RETREG1: variants seen among roughly 807,000 people sequenced by gnomAD.
RETREG1 encodes reticulophagy regulator 1.
RETREG1 carries 44 observed loss-of-function variants against 54.8 expected under a neutral mutation model. The observed-to-expected ratio is 0.80, with a 90% CI of 0.63 to 1.03. RETREG1 has a LOEUF of 1.03. Among genes scored for constraint, RETREG1 ranks in the 50% least tolerant of loss-of-function variants. The probability of loss-of-function intolerance (pLI) is 0.00; values close to 1 mark genes in which losing one functional copy is unlikely to be tolerated. For synonymous variants in RETREG1, 217 were observed against 238.5 expected, an observed-to-expected ratio of 0.91 and a Z score of 0.83; for missense variants, 554 against 605.1, an observed-to-expected ratio of 0.92 and a Z score of 0.89.
chr5:16,562,380 G>C (rs1467187313), intron 3 of RETREG1, among the ~76,000 whole-genome samples: 1 of 152,152 alleles, frequency 6.6e-6, no homozygotes, highest in Non-Finnish European at 1.5e-5. Context: ...GGATATCTGT[G>C]GTGGGCAGGA....
chr5:16,531,933 T>C (rs1304252226), intron 3 of RETREG1, among the ~76,000 whole-genome samples: 4 of 152,134 alleles, frequency 2.6e-5, no homozygotes, highest in African/African-American at 9.7e-5. Context: ...TGGGAGAGCA[T>C]CCCTGAGCAT....
rs915194786 is a variant in RETREG1 at position 16,597,910 on chromosome 5, G to A, written c.320+18742C>T. On this transcript the variant is annotated intron_variant, in intron 1 of 8. Transcript: ENST00000306320. This position sits in a 1 kb window ranked among gnomAD's most constrained non-coding sequence, Gnocchi z 4.3. Reference sequence around the variant, plus strand: ...CCTCACCTCCTGTGACCGCTGGCACGACTTCCTTGCCCCAGGGGTAAGGAA... The same window carrying A: ...CCTCACCTCCTGTGACCGCTGGCACAACTTCCTTGCCCCAGGGGTAAGGAA... 3.9e-5 allele frequency among the ~76,000 whole-genome samples: 6 copies of A among 151,948 alleles called. No individual in the cohort carries two copies. Among genetic ancestry groups the A allele is most frequent in the African/African-American group, 1.5e-4 (6 of 41,312 alleles).
intron 1 of RETREG1, among the ~76,000 whole-genome samples, chr5:16,580,806 C>T (rs1356372937): frequency 6.6e-6 from 1 of 152,092 alleles, no homozygotes; most frequent in Admixed American, 6.6e-5. Flanking sequence ...ATTTTCAAAG[C>T]CCAGGATAAG....
At chr5:16,519,318 A>G (rs774610918) in intron 3 of RETREG1, among the ~76,000 whole-genome samples, 20 of 152,144 alleles carry the variant, frequency 1.3e-4, no homozygotes, top group Admixed American at 1.2e-3. Flanking sequence ...CAACAACCAA[A>G]CCAACAAGAG....
chr5:16,520,096 C>A (rs1351231835), intron 3 of RETREG1, among the ~76,000 whole-genome samples: 1 of 152,164 alleles, frequency 6.6e-6, no homozygotes, highest in Non-Finnish European at 1.5e-5. Flanking sequence ...CATCCAAGGG[C>A]TGCTGGGGGA....
At chr5:16,605,916 G>A (rs1365864919) in intron 1 of RETREG1, among the ~76,000 whole-genome samples, 4 of 152,156 alleles carry the variant, frequency 2.6e-5, no homozygotes, top group Admixed American at 2.6e-4. Flanking sequence ...CTAATGCACT[G>A]GGGAGAAGGT....
At chr5:16,544,188 C>A (rs1004645542) in intron 3 of RETREG1, among the ~76,000 whole-genome samples, 3 of 152,088 alleles carry the variant, frequency 2.0e-5, no homozygotes, top group Non-Finnish European at 4.4e-5. Flanking sequence ...GTTGGCCAGG[C>A]TGGTCTCCAA....
chr5:16,594,144 T>C lies in RETREG1; in HGVS notation c.321-22042A>G, dbSNP rs1373357150. On this transcript the variant is annotated intron_variant, in intron 1 of 8. Transcript: ENST00000306320. This position sits in a 1 kb window ranked among gnomAD's most constrained non-coding sequence, Gnocchi z 4.4. ...CACAGCAGAGATTTGATGGGCACCA[T>C]CGGAAACAAAAGCTGGCATGTACAC... 1.3e-5 allele frequency among the ~76,000 whole-genome samples: 2 copies of C among 152,204 alleles called. No homozygotes were observed. Among genetic ancestry groups the C allele is most frequent in the Non-Finnish European group, 2.9e-5 (2 of 68,026 alleles).
chr5:16,548,372 C>T (rs902066765), intron 3 of RETREG1, among the ~76,000 whole-genome samples: 2 of 152,120 alleles, frequency 1.3e-5, no homozygotes, highest in Non-Finnish European at 2.9e-5. Flanking sequence ...GAGAATAACA[C>T]ACTTTAAGTA....
At chr5:16,549,651 CA>C (rs947529404) in intron 3 of RETREG1, among the ~76,000 whole-genome samples, 29 of 152,184 alleles carry the variant, frequency 1.9e-4, no homozygotes, top group Non-Finnish European at 4.4e-5. Flanking sequence ...AAGATTATTT[CA>C]TCCAAACTTA....
chr5:16,518,351 C>T (rs1336520209), intron 3 of RETREG1, among the ~76,000 whole-genome samples: 1 of 149,806 alleles, frequency 6.7e-6, no homozygotes, highest in African/African-American at 2.5e-5. Context: ...ACTAGAAGGA[C>T]AAGGCGAGGA....
chr5:16,476,106 A>C (rs562631818), intron 8 of RETREG1, among the ~76,000 whole-genome samples: 1 of 152,144 alleles, frequency 6.6e-6, no homozygotes, highest in Non-Finnish European at 1.5e-5. Flanking sequence ...AGCTTGAATG[A>C]CCTTCAGCAA....
chr5:16,477,864 C>G (rs1579579592), intron 7 of RETREG1, 76 bp from the exon 8 acceptor site: 3 of 1,559,198 alleles, frequency 1.9e-6, no homozygotes, highest in Non-Finnish European at 2.6e-6. Context: ...CCATATGAAC[C>G]CCCAAAATGA....
At chr5:16,503,385 T>A (rs1739799150) in intron 3 of RETREG1, among the ~76,000 whole-genome samples, 1 of 152,094 alleles carries the variant, frequency 6.6e-6, no homozygotes, top group Non-Finnish European at 1.5e-5. Flanking sequence ...AATAATTCCA[T>A]AGACCAAGCG....
chr5:16,503,427 G>C (rs1203746795), intron 3 of RETREG1, among the ~76,000 whole-genome samples: 2 of 152,064 alleles, frequency 1.3e-5, no homozygotes, highest in Non-Finnish European at 2.9e-5. Context: ...CCAACACTTT[G>C]GGAGCCCGAG....
chr5:16,591,119 T>A (rs1475156676), intron 1 of RETREG1, among the ~76,000 whole-genome samples: 1 of 152,112 alleles, frequency 6.6e-6, no homozygotes, highest in Non-Finnish European at 1.5e-5. Flanking sequence ...GAAAAGGAGA[T>A]GACTTAGGCT....
chr5:16,510,815 CAACAAAAAAA>C (rs1327233154), intron 3 of RETREG1, among the ~76,000 whole-genome samples: 1 of 56,392 alleles, frequency 1.8e-5, no homozygotes, highest in Non-Finnish European at 3.6e-5. Context: ...ACAACAACAA[CAACAAAAAAA>C]AAAAAAAAAA....
intron 3 of RETREG1, among the ~76,000 whole-genome samples, chr5:16,532,511 A>G (rs1000184485): frequency 3.9e-5 from 6 of 152,220 alleles, no homozygotes; most frequent in African/African-American, 1.4e-4. Flanking sequence ...ACATTGTGTT[A>G]GCTCTCCATG....
chr5:16,572,181 A>T, intron 1 of RETREG1, 79 bp from the exon 2 acceptor site: 1 of 961,488 alleles, frequency 1.0e-6, no homozygotes, highest in Non-Finnish European at 1.7e-6. Context: ...TTCCTGCCAC[A>T]GAAACAAAAA....
Sources: gnomAD v4.1 joint callset for allele counts (sites outside exome capture counted in the v4.1 genomes callset) on GRCh38, gnomAD v4.1.1 for gene constraint, Gnocchi (gnomAD v3.1) non-coding constraint, MANE v1.5 for transcripts, NCBI Gene and HGNC (gene_info 2026-07-23, HGNC 2026-07-21) for gene names.